Variants in ROBO2 observed in about 807,000 individuals in gnomAD.
The protein encoded by ROBO2 is roundabout homolog 2.
ROBO2 carries 53 observed loss-of-function variants against 160.8 expected under a neutral mutation model. The ratio of observed to expected loss-of-function variants is 0.33; its 90% CI spans 0.26 to 0.41. ROBO2 has a LOEUF of 0.41. ROBO2 is among the 10% of genes least tolerant of loss of function. The probability of loss-of-function intolerance (pLI) is 1.00; values close to 1 mark genes in which losing one functional copy is unlikely to be tolerated. For synonymous variants in ROBO2, 664 were observed against 611.7 expected (o/e 1.09, Z -1.26); for missense variants, 1,577 against 1,722.4 (o/e 0.92, Z 1.49).
intron 1 of ROBO2, among the ~76,000 whole-genome samples, chr3:75,912,660 C>T (rs1350680213): frequency 3.3e-5 from 5 of 151,968 alleles, no homozygotes; most frequent in East Asian, 1.9e-4. Flanking sequence ...CGGTTGCTTA[C>T]GTGTAGCTGC....
intron 2 of ROBO2, among the ~76,000 whole-genome samples, chr3:76,940,623 ATC>A (rs1371302868): frequency 2.0e-5 from 3 of 152,154 alleles, no homozygotes; most frequent in Non-Finnish European, 4.4e-5. Context: ...GAGTTCCATC[ATC>A]TCTGATTTGA....
At chr3:77,348,406 C>A (rs187452380) in intron 2 of ROBO2, among the ~76,000 whole-genome samples, 1 of 152,184 alleles carries the variant, frequency 6.6e-6, no homozygotes, top group African/African-American at 2.4e-5. Flanking sequence ...CAGTGAGAAC[C>A]ACCAGAGGTC....
At chr3:76,787,104 A>T (rs901695595) in intron 2 of ROBO2, among the ~76,000 whole-genome samples, 9 of 151,134 alleles carry the variant, frequency 6.0e-5, no homozygotes, top group African/African-American at 2.2e-4. Flanking sequence ...GAGAACAGCA[A>T]GAGGGAAGTC....
chr3:76,964,178 T>C (rs1309521275), intron 2 of ROBO2, among the ~76,000 whole-genome samples: 8 of 152,190 alleles, frequency 5.3e-5, no homozygotes, highest in Non-Finnish European at 1.0e-4. Flanking sequence ...ATCCAAGTTT[T>C]TTTCTCATAT....
At chr3:77,441,906 G>T (rs1581972350) in intron 2 of ROBO2, among the ~76,000 whole-genome samples, 1 of 152,124 alleles carries the variant, frequency 6.6e-6, no homozygotes, top group Non-Finnish European at 1.5e-5. Context: ...ATGGAGGAAT[G>T]AAAGTTTTAA....
intron 23 of ROBO2, among the ~76,000 whole-genome samples, chr3:77,626,204 CAT>C (rs2095021716): frequency 6.6e-6 from 1 of 152,164 alleles, no homozygotes. Context: ...ACAAGCACAA[CAT>C]ATAATTTTCT....
intron 2 of ROBO2, among the ~76,000 whole-genome samples, chr3:77,169,213 A>G (rs2079393823): frequency 6.6e-6 from 1 of 152,226 alleles, no homozygotes; most frequent in African/African-American, 2.4e-5. Flanking sequence ...TGTTACAGAT[A>G]AAGTGATTAT....
intron 2 of ROBO2, among the ~76,000 whole-genome samples, chr3:76,376,348 C>T (rs2076344478): frequency 6.6e-6 from 1 of 152,020 alleles, no homozygotes; most frequent in Admixed American, 6.6e-5. Flanking sequence ...TCATTTGTAC[C>T]AGGGTTTGTC....
chr3:76,671,795 T>C (rs182981554), intron 2 of ROBO2, among the ~76,000 whole-genome samples: 394 of 152,192 alleles, frequency 2.6e-3, no homozygotes, highest in African/African-American at 9.1e-3. Flanking sequence ...CCCATACATA[T>C]TTGTATTTTT....
chr3:77,607,754 T>C (rs775661478), intron 20 of ROBO2, 44 bp from the exon 22 acceptor site: 21 of 1,573,818 alleles, frequency 1.3e-5, no homozygotes, highest in Non-Finnish European at 1.7e-5. Context: ...ATTCTCTTTA[T>C]TCTGCTATTT....
At chr3:76,222,867 G>A (rs1209099696) in intron 2 of ROBO2, among the ~76,000 whole-genome samples, 1 of 151,758 alleles carries the variant, frequency 6.6e-6, no homozygotes, top group Non-Finnish European at 1.5e-5. Context: ...TAATTCTCCT[G>A]TCTCAGCCTT....
chr3:77,060,728 A>G (rs2066215418), intron 1 of ROBO2, among the ~76,000 whole-genome samples: 6 of 152,196 alleles, frequency 3.9e-5, no homozygotes, highest in Admixed American at 3.9e-4. Flanking sequence ...TTTACAGGTC[A>G]GGCAAATATC....
chr3:77,179,223 A>G (rs2080457241), intron 2 of ROBO2, among the ~76,000 whole-genome samples: 1 of 151,926 alleles, frequency 6.6e-6, no homozygotes, highest in Admixed American at 6.6e-5. Context: ...CGCGCTTAAT[A>G]ATAGGCTTCA....
chr3:77,468,776 G>A (rs190773589), intron 2 of ROBO2, among the ~76,000 whole-genome samples: 81 of 152,310 alleles, frequency 5.3e-4, no homozygotes, highest in Non-Finnish European at 1.2e-4. Context: ...CCTACCGCTG[G>A]TTTATCTGGA....
At chr3:77,206,085 C>T (rs2083413226) in intron 2 of ROBO2, among the ~76,000 whole-genome samples, 1 of 152,116 alleles carries the variant, frequency 6.6e-6, no homozygotes, top group African/African-American at 2.4e-5. Context: ...CCGGTCTCTG[C>T]CTTCTCTTCA....
At chr3:76,253,570 G>A (rs2107563794) in intron 2 of ROBO2, among the ~76,000 whole-genome samples, 2 of 149,982 alleles carry the variant, frequency 1.3e-5, no homozygotes, top group Middle Eastern at 3.4e-3. Flanking sequence ...ACCAAACCTG[G>A]CCCATGAGTA....
At chr3:76,177,823 C>T (rs1339259588) in intron 2 of ROBO2, among the ~76,000 whole-genome samples, 3 of 152,096 alleles carry the variant, frequency 2.0e-5, no homozygotes, top group Non-Finnish European at 2.9e-5. Context: ...TCTAAGTACC[C>T]TACAATTTAT....
chr3:76,136,453 A>G (rs2071432615), intron 2 of ROBO2, among the ~76,000 whole-genome samples: 1 of 152,092 alleles, frequency 6.6e-6, no homozygotes, highest in African/African-American at 2.4e-5. Flanking sequence ...CGGATAAACA[A>G]CCTTCCTTCT....
At chr3:76,272,687 A>AT (rs1206258076) in intron 2 of ROBO2, among the ~76,000 whole-genome samples, 3 of 132,288 alleles carry the variant, frequency 2.3e-5, no homozygotes, top group Non-Finnish European at 4.6e-5. Flanking sequence ...ATAAATATAT[A>AT]TATATATTCT....
Sources: allele counts gnomAD v4.1 joint callset (sites outside exome capture counted in the v4.1 genomes callset), GRCh38; gene constraint gnomAD v4.1.1; transcripts MANE v1.5; gene names NCBI Gene and HGNC (gene_info 2026-07-23, HGNC 2026-07-21).